Variants in SLC9D1 observed in about 807,000 individuals in gnomAD.
SLC9D1 encodes the protein solute carrier family 9 member D1.
the SLC9D1 span, among the ~76,000 whole-genome samples, chr13:113,497,464 C>G: frequency 6.8e-6 from 1 of 146,614 alleles, no homozygotes; most frequent in Non-Finnish European, 1.5e-5. Flanking sequence ...TGTATGAGAC[C>G]TGCAGCTGTG....
chr13:113,506,556 TGA>T, the SLC9D1 span, among the ~76,000 whole-genome samples: 1,125 of 100,138 alleles, frequency 0.011, 6 homozygotes, highest in African/African-American at 0.043. Context: ...CGTGTGTGTG[TGA>T]GTGTGTGTGT....
the SLC9D1 span, among the ~76,000 whole-genome samples, chr13:113,493,507 C>T: frequency 6.6e-6 from 1 of 152,084 alleles, no homozygotes; most frequent in Non-Finnish European, 1.5e-5. Flanking sequence ...TATGGCTAGG[C>T]ATGACTAAGT....
the SLC9D1 span, among the ~76,000 whole-genome samples, chr13:113,544,986 TG>T: frequency 6.6e-6 from 1 of 152,246 alleles, no homozygotes; most frequent in East Asian, 1.9e-4. Flanking sequence ...TGTCAGTCAT[TG>T]GGTGTGTCTT....
At chr13:113,494,091 A>G in the SLC9D1 span, among the ~76,000 whole-genome samples, 1 of 152,244 alleles carries the variant, frequency 6.6e-6, no homozygotes, top group Non-Finnish European at 1.5e-5. Flanking sequence ...TTTAGTAACC[A>G]GGTTTCCAGG....
chr13:113,498,286 C>T, the SLC9D1 span: 1 of 1,288,698 alleles, frequency 7.8e-7, no homozygotes, highest in Non-Finnish European at 1.0e-6. Context: ...TTAAGAAAGT[C>T]ATGTCCTAGC....
chr13:113,503,092 C>T, the SLC9D1 span, among the ~76,000 whole-genome samples: 1 of 152,242 alleles, frequency 6.6e-6, no homozygotes, highest in Non-Finnish European at 1.5e-5. Flanking sequence ...GGTGAAAAAT[C>T]ACTTCCTGCC....
At chr13:113,519,841 TCA>T in the SLC9D1 span, among the ~76,000 whole-genome samples, 1 of 152,080 alleles carries the variant, frequency 6.6e-6, no homozygotes, top group South Asian at 2.1e-4. Flanking sequence ...TGTGTTGGTC[TCA>T]CAGAGAAGGC....
the SLC9D1 span, among the ~76,000 whole-genome samples, chr13:113,521,469 A>G: frequency 1.3e-5 from 2 of 150,474 alleles, no homozygotes; most frequent in Admixed American, 1.3e-4. Flanking sequence ...GGGGGTATCC[A>G]CGTGTGCATA....
chr13:113,496,001 G>A, the SLC9D1 span: 17 of 1,611,926 alleles, frequency 1.1e-5, no homozygotes, highest in Non-Finnish European at 1.4e-5. Flanking sequence ...AGCGCCTGGA[G>A]GCCCTGAGAG....
At chr13:113,492,320 C>A in the SLC9D1 span, among the ~76,000 whole-genome samples, 2 of 152,136 alleles carry the variant, frequency 1.3e-5, no homozygotes, top group African/African-American at 4.8e-5. Flanking sequence ...ATTTGAAAAC[C>A]TTTTTATTTT....
At chr13:113,499,456 A>G in the SLC9D1 span, among the ~76,000 whole-genome samples, 1 of 152,140 alleles carries the variant, frequency 6.6e-6, no homozygotes, top group African/African-American at 2.4e-5. Context: ...AACACCTGTA[A>G]CAGGGGAACA....
At chr13:113,498,500 T>G in the SLC9D1 span, 1 of 1,588,308 alleles carries the variant, frequency 6.3e-7, no homozygotes, top group East Asian at 2.3e-5. Context: ...TAGAGGAACA[T>G]GCTTTTGACG....
the SLC9D1 span, among the ~76,000 whole-genome samples, chr13:113,494,306 G>A: frequency 6.6e-6 from 1 of 152,002 alleles, no homozygotes; most frequent in Non-Finnish European, 1.5e-5. Context: ...CAAATTCCAC[G>A]GACTCTACGT....
the SLC9D1 span, among the ~76,000 whole-genome samples, chr13:113,506,739 G>A: frequency 6.6e-6 from 1 of 152,198 alleles, no homozygotes; most frequent in Non-Finnish European, 1.5e-5. Context: ...AGGCTCCAGT[G>A]TCTTCTGGCT....
chr13:113,524,265 G>T, the SLC9D1 span: 2 of 427,826 alleles, frequency 4.7e-6, no homozygotes, highest in Non-Finnish European at 9.3e-6. Flanking sequence ...GTATTTTGGG[G>T]CTCTTTTGTT....
chr13:113,525,908 G>C, the SLC9D1 span, among the ~76,000 whole-genome samples: 1 of 136,322 alleles, frequency 7.3e-6, no homozygotes, highest in Non-Finnish European at 1.6e-5. Flanking sequence ...AGAACAAGCC[G>C]TCGTCGTCGT....
At chr13:113,495,533 T>TA in the SLC9D1 span, 1 of 1,354,492 alleles carries the variant, frequency 7.4e-7, no homozygotes, top group South Asian at 1.4e-5. Context: ...GCAAGCTCAG[T>TA]GGGGCAGAGA....
At chr13:113,532,745 C>T in the SLC9D1 span, among the ~76,000 whole-genome samples, 2 of 152,088 alleles carry the variant, frequency 1.3e-5, no homozygotes, top group Non-Finnish European at 2.9e-5. Flanking sequence ...CGGACTTGGG[C>T]CCTGCAGTGA....
chr13:113,500,661 G>T, the SLC9D1 span, among the ~76,000 whole-genome samples: 5 of 152,214 alleles, frequency 3.3e-5, no homozygotes, highest in African/African-American at 1.2e-4. Context: ...CATGGTTCGG[G>T]TGGTCACTCA....
Sources: allele counts gnomAD v4.1 joint callset (sites outside exome capture counted in the v4.1 genomes callset), GRCh38; gene constraint gnomAD v4.1.1; transcripts MANE v1.5; gene names NCBI Gene and HGNC (gene_info 2026-07-23, HGNC 2026-07-21).